The following APEX2 variants were observed in gnomAD, a reference collection of about 807,000 sequenced individuals.
APEX2 encodes the protein DNA-(apurinic or apyrimidinic site) endonuclease 2.
Under a neutral mutation model 16.7 loss-of-function variants are expected in APEX2, and 4 were observed. The observed-to-expected ratio is 0.24, with a 90% CI of 0.12 to 0.55. APEX2 has a LOEUF of 0.55. Among genes scored for constraint, APEX2 ranks in the 20% least tolerant of loss-of-function variants. APEX2 has a pLI of 0.94. For synonymous variants in APEX2, 181 were observed against 166.9 expected, an observed-to-expected ratio of 1.08 and a Z score of -0.65; for missense variants, 357 against 433.6, an observed-to-expected ratio of 0.82 and a Z score of 1.57.
rs28382679 is a variant in APEX2, at chrX:55,002,135, A to T, written c.242-116A>T. On this transcript the variant is annotated intron_variant, in intron 2 of 5. Coordinates refer to ENST00000374987, the MANE Select transcript of APEX2 (RefSeq NM_014481.4). ...CAGGGTTTGAATAAGGTTGCCCAAG[A>T]ACCACACTTTATGAAGATGACTTAG... 2,608 of 774,348 alleles carry T rather than the reference A, an allele frequency of 3.4e-3. 55 individuals carry two copies. The African/African-American group carries it at 0.051, about 15-fold the overall frequency. 63.8% of individuals were successfully genotyped at this position (774,348 alleles called of 1,213,427 possible). A position where few individuals can be genotyped will look rare whatever the true frequency, so the allele number is the denominator to read the frequency against.
intron 4 of APEX2, 23 bp from the exon 5 acceptor site, chrX:55,003,776 C>T (rs756995380): frequency 3.3e-6 from 4 of 1,203,284 alleles, no homozygotes; most frequent in African/African-American, 3.5e-5. Context: ...CCCTTTCTAA[C>T]AATCCCACAT....
At chrX:55,002,936 C>A in intron 3 of APEX2, 26 bp from the exon 4 acceptor site, 1 of 1,201,498 alleles carries the variant, frequency 8.3e-7, no homozygotes, top group Non-Finnish European at 1.1e-6. Context: ...AAACTGACCC[C>A]TTTTGGGGGT....
In APEX2 at chrX:55,006,993, C is replaced by G. The variant is rs1193803288; in HGVS notation, c.1115C>G (p.Ala372Gly). 1 of 1,211,787 alleles carries G rather than the reference C, an allele frequency of 8.3e-7. No homozygotes were observed. Among genetic ancestry groups the G allele is most frequent in the Non-Finnish European group, 1.1e-6 (1 of 895,516 alleles). Residue 372 changes from alanine (A) to glycine (G), a missense_variant, in exon 6 of 6, where the codon GCC (alanine) becomes GGC (glycine). Ala to Gly is a moderately conservative substitution (Grantham distance 60). Coordinates refer to ENST00000374987, the MANE Select transcript of APEX2 (RefSeq NM_014481.4). The stretch of plus-strand genomic sequence containing the variant: ...CGGGTACAGACATGCCAAAACAAAG[C>G]CCAAGTGCGCTCAACCAGGCCTCAG... ...QTRVQTCQNKAQVRSTRPQPS... is the reference protein window; with the variant it reads ...QTRVQTCQNKGQVRSTRPQPS...
At chrX:55,002,525 G>C (rs1165157126) in intron 3 of APEX2, 94 bp downstream of exon 3, 5 of 1,017,469 alleles carry the variant, frequency 4.9e-6, no homozygotes, top group Non-Finnish European at 6.5e-6. Flanking sequence ...TACATGCACC[G>C]TGGAGAAGTT....
intron 5 of APEX2, among the ~76,000 whole-genome samples, chrX:55,005,841 G>C (rs1449275196): frequency 9.0e-6 from 1 of 110,757 alleles, no homozygotes; most frequent in Non-Finnish European, 1.9e-5. Flanking sequence ...CTCAGCTCCA[G>C]ATCACTTCTC....
rs1935514418 is a variant in APEX2, at chrX:55,007,191, G to A, written c.1313G>A (p.Gly438Glu). ...AAGGCAGTGGCCAAAGTGGTGAAGG[G>A]GCAGGCCAAGACTTCAGAAGCCAAA... is the stretch of plus-strand genomic sequence containing the variant. ...EEKAVAKVVK[G>E]QAKTSEAKDE... Residue 438 changes from glycine (G) to glutamate (E), a missense_variant, in exon 6 of 6, where the codon GGG (glycine) becomes GAG (glutamate). Coordinates refer to ENST00000374987, the MANE Select transcript of APEX2 (RefSeq NM_014481.4). 2 of 1,212,007 alleles carry A rather than the reference G, an allele frequency of 1.7e-6. No individual in the cohort carries two copies. The highest frequency in any genetic ancestry group is 2.2e-6 in the Non-Finnish European group (2 of 895,564).
rs1935514103 is a variant in APEX2, at chrX:55,007,187, A to G, written c.1309A>G (p.Lys437Glu). The G allele has an allele frequency of 1.7e-6, 2 of 1,210,565 alleles. No individual in the cohort carries two copies. Among genetic ancestry groups the G allele is most frequent in the Non-Finnish European group, 2.2e-6 (2 of 895,332 alleles). ...PEEKAVAKVV[K>E]GQAKTSEAKD... ...AGAGAAGGCAGTGGCCAAAGTGGTG[A>G]AGGGGCAGGCCAAGACTTCAGAAGC... The change falls in exon 6 of 6, where the codon AAG (lysine) becomes GAG (glutamate). Residue 437 changes from lysine to glutamate, a missense_variant. By Grantham distance (56) the Lys-to-Glu change is moderately conservative. Coordinates refer to ENST00000374987, the MANE Select transcript of APEX2 (RefSeq NM_014481.4).
chrX:55,000,406 T>C lies in APEX2; in HGVS notation c.-17T>C. On this transcript the variant is annotated 5_prime_UTR_variant, in exon 1 of 6. Coordinates refer to ENST00000374987, the MANE Select transcript of APEX2 (RefSeq NM_014481.4). ...GCCTAGGTTGGCGCGGGCTGGGAGGTGTTCCAGCCCTTTAAGATGTTGCGC... is the reference window on the plus strand; with the variant it reads ...GCCTAGGTTGGCGCGGGCTGGGAGGCGTTCCAGCCCTTTAAGATGTTGCGC... The C allele has an allele frequency of 8.7e-7, 1 of 1,148,149 alleles. No homozygotes were observed. The highest frequency in any genetic ancestry group is 1.2e-6 in the Non-Finnish European group (1 of 862,761). The allele number at this position is 1,148,149 out of a possible 1,213,427, so 94.6% of individuals were successfully genotyped here.
chrX:55,003,778 A>G (rs1288307292), intron 4 of APEX2, 21 bp from the exon 5 acceptor site: 2 of 1,203,952 alleles, frequency 1.7e-6, no homozygotes, highest in Non-Finnish European at 2.2e-6. Flanking sequence ...CTTTCTAACA[A>G]TCCCACATTG....
intron 5 of APEX2, among the ~76,000 whole-genome samples, chrX:55,004,449 A>G (rs1935480023): frequency 8.9e-6 from 1 of 112,412 alleles, no homozygotes; most frequent in African/African-American, 3.2e-5. Context: ...GTTGGGGGTC[A>G]GATTTCAAGG....
intron 1 of APEX2, among the ~76,000 whole-genome samples, chrX:55,001,189 C>G (rs1475101758): frequency 9.2e-6 from 1 of 108,598 alleles, no homozygotes; most frequent in Non-Finnish European, 1.9e-5. Flanking sequence ...TCTTACCTCT[C>G]ACCCTTAGCT....
At chrX:55,002,208 T>G (rs761571243) in intron 2 of APEX2, 43 bp from the exon 3 acceptor site, 75 of 1,114,460 alleles carry the variant, frequency 6.7e-5, no homozygotes, top group Non-Finnish European at 8.0e-5. Flanking sequence ...TGCAACAGGC[T>G]ATTGACTGCC....
Position 55,007,471 on chromosome X carries a change from C to T in APEX2, c.*36C>T, listed in dbSNP as rs1219608733. On this transcript the variant is annotated 3_prime_UTR_variant, in exon 6 of 6. Coordinates refer to ENST00000374987, the MANE Select transcript of APEX2 (RefSeq NM_014481.4). The stretch of plus-strand genomic sequence containing the variant: ...GCCTGGGGACATCTGGCATGGTCAC[C>T]CCTGCACATGATCTGAGGCCAGCTC... 9.1e-7 allele frequency: 1 copy of T among 1,104,628 alleles called. No individual in the cohort carries two copies. Among genetic ancestry groups the T allele is most frequent in the African/African-American group, 1.9e-5 (1 of 53,620 alleles). 91.0% of individuals were successfully genotyped at this position (1,104,628 alleles called of 1,213,427 possible).
In APEX2 at chrX:55,001,541, T is replaced by C. The variant is rs1243315881; in HGVS notation, c.158-5T>C. 6 of 1,188,160 alleles carry C rather than the reference T, an allele frequency of 5.0e-6. No individual in the cohort carries two copies. The highest frequency in any genetic ancestry group is 6.8e-6 in the Non-Finnish European group (6 of 883,821). On this transcript the variant is annotated splice_polypyrimidine_tract_variant and splice_region_variant and intron_variant, in intron 1 of 5. Transcript: ENST00000374987. ...CTGACTTAATCTTACATTTTTTTTTTCCAGGGGATGCACTGACAGAGCCCC... is the reference window on the plus strand; with the variant it reads ...CTGACTTAATCTTACATTTTTTTTTCCCAGGGGATGCACTGACAGAGCCCC...
At position 55,009,048 on chromosome X, in the gene APEX2, C is replaced by T; in HGVS notation, c.*1613C>T. 6 of 856,603 alleles carry T rather than the reference C, an allele frequency of 7.0e-6. No homozygotes were observed. The highest frequency in any genetic ancestry group is 6.6e-6 in the Non-Finnish European group (4 of 605,976). 70.6% of individuals were successfully genotyped at this position (856,603 alleles called of 1,213,427 possible). ...TGTCTGTTCCCTGTCCAATAAAAGGCTTCACATGCTGTGGTTTGTGCTTTA... is the reference window on the plus strand; with the variant it reads ...TGTCTGTTCCCTGTCCAATAAAAGGTTTCACATGCTGTGGTTTGTGCTTTA... On this transcript the variant is annotated 3_prime_UTR_variant, in exon 6 of 6. Transcript: ENST00000374987.
At chrX:55,000,682 G>A in intron 1 of APEX2, 103 bp downstream of exon 1, 2 of 972,224 alleles carry the variant, frequency 2.1e-6, no homozygotes, top group Non-Finnish European at 2.7e-6. Context: ...TATTCTTAGA[G>A]TCCTGTCCTT....
chrX:55,006,133 A>G (rs1211224807), intron 5 of APEX2, among the ~76,000 whole-genome samples: 1 of 107,167 alleles, frequency 9.3e-6, no homozygotes, highest in African/African-American at 3.4e-5. Flanking sequence ...GTTTAAAGGA[A>G]GAAGCTGACA....
rs1226863333 is a variant in APEX2, at chrX:55,008,970, A to G, written c.*1535A>G. 6.7e-6 allele frequency: 3 copies of G among 446,890 alleles called. No homozygotes were observed. The highest frequency in any genetic ancestry group is 2.5e-5 in the African/African-American group (1 of 40,494). The allele number at this position is 446,890 out of a possible 1,213,427, so 36.8% of individuals were successfully genotyped here. A position where few individuals can be genotyped will look rare whatever the true frequency, so the allele number is the denominator to read the frequency against. ...AAAATGGAATGGTGACCAACAAGTG[A>G]CCTATGGTTACCTCATAGATCTGCC... On this transcript the variant is annotated 3_prime_UTR_variant, in exon 6 of 6. Coordinates refer to ENST00000374987, the MANE Select transcript of APEX2 (RefSeq NM_014481.4).
At chrX:55,002,032 G>A (rs908859066) in intron 2 of APEX2, among the ~76,000 whole-genome samples, 4 of 112,414 alleles carry the variant, frequency 3.6e-5, no homozygotes, top group Admixed American at 1.9e-4. Flanking sequence ...TTGCTAATAC[G>A]TCTTGAGCAC....
Sources: gnomAD v4.1 joint callset for allele counts (sites outside exome capture counted in the v4.1 genomes callset) on GRCh38, gnomAD v4.1.1 for gene constraint, MANE v1.5 for transcripts, NCBI Gene and HGNC (gene_info 2026-07-23, HGNC 2026-07-21) for gene names.